Variants in ALMS1 observed in about 807,000 individuals in gnomAD.
ALMS1 encodes centrosome-associated protein ALMS1.
In ALMS1, 271 loss-of-function variants were observed where a neutral mutation model predicts 352.2. The ratio of observed to expected loss-of-function variants is 0.77; its 90% CI spans 0.70 to 0.85. ALMS1 has a LOEUF of 0.85. Ranked by LOEUF, ALMS1 falls within the 40% of genes least tolerant of loss-of-function variation. The pLI, the probability that ALMS1 is intolerant of heterozygous loss-of-function variation, is 0.00. For missense variants in ALMS1, 5,445 were observed against 4,870.7 expected (o/e 1.12, Z -3.51); for synonymous variants, 1,865 against 1,761.2 (o/e 1.06, Z -1.48).
intron 3 of ALMS1, among the ~76,000 whole-genome samples, chr2:73,422,280 C>T (rs1396835811): frequency 4.6e-5 from 7 of 152,054 alleles, no homozygotes; most frequent in Non-Finnish European, 1.0e-4. Flanking sequence ...ATCATATATT[C>T]TGTAGCTTCT....
chr2:73,435,471 T>C (rs189453324), intron 7 of ALMS1, among the ~76,000 whole-genome samples: 3 of 152,312 alleles, frequency 2.0e-5, no homozygotes, highest in Non-Finnish European at 4.4e-5. Flanking sequence ...AATATACTTC[T>C]GATTCAATTT....
At position 73,396,550 on chromosome 2, in the gene ALMS1, CTTTTTTTTTTT is replaced by C. The variant is rs60473435; in HGVS notation, c.324+10369_324+10379del. The stretch of plus-strand genomic sequence containing the variant: ...AGGTTACATCAAATGGGTCTGAGCT[CTTTTTTTTTTT>C]TTTTTTTTTTGCAGGATGGGGCATA... On this transcript the variant is annotated intron_variant, in intron 1 of 22. Coordinates refer to ENST00000613296, the MANE Select transcript of ALMS1 (RefSeq NM_001378454.1). Among the ~76,000 whole-genome samples the C allele has an allele frequency of 8.9e-5, 7 of 78,258 alleles. No individual in the cohort carries two copies. The South Asian group carries it at 1.9e-3, about 21-fold the overall frequency. The allele number at this position is 78,258 out of a possible 152,430, so 51.3% of individuals were successfully genotyped here.
chr2:73,550,024 T>C (rs1161619069), intron 12 of ALMS1, among the ~76,000 whole-genome samples: 1 of 152,132 alleles, frequency 6.6e-6, no homozygotes, highest in Admixed American at 6.5e-5. Flanking sequence ...CACGCCTGGC[T>C]AATTTTTGTA....
At position 73,448,208 on chromosome 2, in the gene ALMS1, G is replaced by A. The variant is rs776104521; in HGVS notation, c.1681G>A (p.Ala561Thr). The change falls in exon 8 of 23, where the codon GCT becomes ACT. Residue 561 changes from alanine to threonine, a missense_variant. By Grantham distance (58) the Ala-to-Thr change is moderately conservative. Transcript: ENST00000613296. ...GAAAGTCACAGCTATTCCTGAACCA[G>A]CTGACCAGAAGACTGCAACACCAAC... ...TLKVTAIPEP[A>T]DQKTATPTVL... 6.2e-7 allele frequency: 1 copy of A among 1,614,038 alleles called. No homozygotes were observed. The highest frequency in any genetic ancestry group is 1.3e-5 in the African/African-American group (1 of 75,038).
At chr2:73,539,923 T>G (rs1404557147) in intron 12 of ALMS1, among the ~76,000 whole-genome samples, 1 of 152,106 alleles carries the variant, frequency 6.6e-6, no homozygotes, top group African/African-American at 2.4e-5. Flanking sequence ...ACGGGGAGAA[T>G]GGAACCAAGT....
At chr2:73,601,476 G>A (rs1338191655) in intron 19 of ALMS1, 40 bp downstream of exon 19, 1 of 1,606,314 alleles carries the variant, frequency 6.2e-7, no homozygotes, top group East Asian at 2.2e-5. Context: ...TACGTGTAGG[G>A]AGAAGAAGGG....
chr2:73,452,620 T>G lies in ALMS1; in HGVS notation c.6093T>G (p.Ile2031Met), dbSNP rs2103788896. ...QIEKPKISTV[I>M]GPNDQKTPSQ... ...AGAAGCCCAAGATTTCAACTGTGAT[T>G]GGACCAAATGACCAGAAGACTCCAT... Residue 2031 changes from isoleucine (I) to methionine (M), a missense_variant, in exon 8 of 23, where the codon ATT becomes ATG. Ile to Met is a conservative substitution (Grantham distance 10, BLOSUM62 1). Coordinates refer to ENST00000613296, the MANE Select transcript of ALMS1 (RefSeq NM_001378454.1). 6.2e-7 allele frequency: 1 copy of G among 1,614,112 alleles called. No homozygotes were observed.
chr2:73,463,300 C>G (rs1672249384), intron 9 of ALMS1, among the ~76,000 whole-genome samples: 1 of 152,218 alleles, frequency 6.6e-6, no homozygotes, highest in African/African-American at 2.4e-5. Flanking sequence ...CAGAATCTCA[C>G]TCAAAACCGC....
chr2:73,511,740 C>T (rs1244805946), intron 10 of ALMS1, among the ~76,000 whole-genome samples: 1 of 152,092 alleles, frequency 6.6e-6, no homozygotes, highest in South Asian at 2.1e-4. Flanking sequence ...TGTCTGAAGA[C>T]ATTTTTGATT....
intron 2 of ALMS1, 84 bp downstream of exon 2, chr2:73,408,831 AAATT>A: frequency 3.9e-6 from 5 of 1,272,724 alleles, no homozygotes; most frequent in Non-Finnish European, 5.5e-6. Flanking sequence ...ATGGAAAAAT[AAATT>A]AATATTCATT....
intron 10 of ALMS1, among the ~76,000 whole-genome samples, chr2:73,515,978 G>A (rs1673547323): frequency 6.6e-6 from 1 of 151,986 alleles, no homozygotes; most frequent in South Asian, 2.1e-4. Context: ...ACTTCTTCAC[G>A]ACAAAAGAAA....
At chr2:73,468,388 TACAC>T (rs1672401242) in intron 9 of ALMS1, among the ~76,000 whole-genome samples, 2 of 151,998 alleles carry the variant, frequency 1.3e-5, no homozygotes, top group Admixed American at 1.3e-4. Flanking sequence ...CATGGTAAAA[TACAC>T]AACACAAAAT....
rs1558712040 is a variant in ALMS1 at position 73,601,540 on chromosome 2, G to T, written c.12114+104G>T. The T allele has an allele frequency of 7.9e-6, 12 of 1,524,428 alleles. No individual in the cohort carries two copies. The South Asian group carries it at 1.4e-4, about 18-fold the overall frequency. 94.4% of individuals were successfully genotyped at this position (1,524,428 alleles called of 1,614,324 possible). On this transcript the variant is annotated intron_variant, in intron 19 of 22. Transcript: ENST00000613296. ...TTGGTGAGCTGAGGTGTAGGCCTGA[G>T]ACGCTCTTTTCCAGCACCTCCGCAG...
chr2:73,429,524 C>G (rs981434177), intron 6 of ALMS1, among the ~76,000 whole-genome samples: 3 of 152,086 alleles, frequency 2.0e-5, no homozygotes, highest in Non-Finnish European at 4.4e-5. Context: ...CTCAGGTGAT[C>G]CACCTGCCTC....
intron 1 of ALMS1, among the ~76,000 whole-genome samples, chr2:73,396,089 C>A (rs903395827): frequency 6.6e-6 from 1 of 152,070 alleles, no homozygotes; most frequent in African/African-American, 2.4e-5. Flanking sequence ...TCTTTTACCC[C>A]CGAGTATGAT....
At chr2:73,579,060 A>ATTTTTT (rs1675113474) in intron 16 of ALMS1, among the ~76,000 whole-genome samples, 1 of 79,534 alleles carries the variant, frequency 1.3e-5, no homozygotes, top group African/African-American at 1.0e-4. Flanking sequence ...TTTCTCCTTT[A>ATTTTTT]TTCTTTTTTT....
Position 73,609,714 on chromosome 2 carries a change from TC to T in ALMS1, c.*104del. The stretch of plus-strand genomic sequence containing the variant: ...CTGGTTGAATAAAGCTTATTCTTTG[TC>T]CATGTGTATTTTAGAAATAGTAACT... On this transcript the variant is annotated 3_prime_UTR_variant, in exon 23 of 23. Coordinates refer to ENST00000613296, the MANE Select transcript of ALMS1 (RefSeq NM_001378454.1). 8.6e-7 allele frequency: 1 copy of T among 1,169,374 alleles called. No individual in the cohort carries two copies. The highest frequency in any genetic ancestry group is 1.3e-6 in the Non-Finnish European group (1 of 782,300). The allele number at this position is 1,169,374 out of a possible 1,614,324, so 72.4% of individuals were successfully genotyped here. A position where few individuals can be genotyped will look rare whatever the true frequency, so the allele number is the denominator to read the frequency against.
Position 73,386,116 on chromosome 2 carries a change from AC to A in ALMS1, c.252del (p.Gly85AlafsTer28). On this transcript the variant is annotated frameshift_variant, in exon 1 of 23. Transcript: ENST00000613296. LOFTEE classifies it high-confidence loss of function. ...GAGGCCAAGGCCTGGCTGCAGGCGC[AC>A]CCCGGCAGGATTTTGCCTCCGCTGT... ...DEEAKAWLQA[H>X]PGRILPPLSP... 1 of 1,581,744 alleles carries A rather than the reference AC, an allele frequency of 6.3e-7. No individual in the cohort carries two copies. Among genetic ancestry groups the A allele is most frequent in the East Asian group, 2.3e-5 (1 of 42,856 alleles).
At chr2:73,440,171 C>CG (rs1415544732) in intron 7 of ALMS1, among the ~76,000 whole-genome samples, 17 of 151,974 alleles carry the variant, frequency 1.1e-4, no homozygotes, top group Non-Finnish European at 2.9e-5. Context: ...TTAGTAAAGA[C>CG]GGGGTTTCAC....
Sources: gnomAD v4.1 joint callset for allele counts (sites outside exome capture counted in the v4.1 genomes callset) on GRCh38, gnomAD v4.1.1 for gene constraint, MANE v1.5 for transcripts, NCBI Gene and HGNC (gene_info 2026-07-23, HGNC 2026-07-21) for gene names.